B3GALNT2: variants seen among roughly 807,000 people sequenced by gnomAD.
B3GALNT2 encodes UDP-GalNAc:beta-1,3-N-acetylgalactosaminyltransferase 2.
Under a neutral mutation model 61.1 loss-of-function variants are expected in B3GALNT2, and 53 were observed. The observed-to-expected ratio is 0.87, with a 90% CI of 0.70 to 1.09. The LOEUF (loss-of-function observed/expected upper bound fraction) is 1.09, where lower values mean the gene tolerates loss of function less well. Among genes scored for constraint, B3GALNT2 ranks in the 50% least tolerant of loss-of-function variants. The pLI, the probability that B3GALNT2 is intolerant of heterozygous loss-of-function variation, is 0.00. For missense variants in B3GALNT2, 544 were observed against 623.0 expected, an observed-to-expected ratio of 0.87 and a Z score of 1.35; for synonymous variants, 223 against 237.4, an observed-to-expected ratio of 0.94 and a Z score of 0.56.
intron 5 of B3GALNT2, among the ~76,000 whole-genome samples, chr1:235,471,893 C>A (rs1043777537): frequency 6.6e-6 from 1 of 152,018 alleles, no homozygotes; most frequent in Admixed American, 6.6e-5. Flanking sequence ...GAACTCCTGA[C>A]CTCAAGTGAT....
chr1:235,493,882 T>TA (rs1009158026), intron 2 of B3GALNT2, among the ~76,000 whole-genome samples: 41 of 152,246 alleles, frequency 2.7e-4, no homozygotes, highest in African/African-American at 6.7e-4. Flanking sequence ...ATCACCTGAG[T>TA]CTTCACATAC....
the B3GALNT2 span, chr1:235,441,820 G>A: frequency 6.2e-7 from 1 of 1,613,868 alleles, no homozygotes; most frequent in Non-Finnish European, 8.5e-7. Context: ...ACAGAATATG[G>A]TGCACCTGAA....
At chr1:235,477,033 A>C (rs146620682) in intron 5 of B3GALNT2, among the ~76,000 whole-genome samples, 21 of 151,974 alleles carry the variant, frequency 1.4e-4, no homozygotes, top group Non-Finnish European at 2.8e-4. Context: ...TCAAAAAAAA[A>C]AAAAATAAGT....
chr1:235,478,960 T>C (rs190045374), intron 5 of B3GALNT2: 87 of 152,346 alleles, frequency 5.7e-4, no homozygotes, highest in African/African-American at 2.0e-3. Flanking sequence ...TTTTTTTAAT[T>C]TATTTTTTGA....
chr1:235,463,439 GTT>G (rs35100547), intron 7 of B3GALNT2: 1 of 147,712 alleles, frequency 6.8e-6, no homozygotes, highest in Non-Finnish European at 1.5e-5. Flanking sequence ...TTCCAGCTAG[GTT>G]TTCTTTTTTT....
intron 6 of B3GALNT2, among the ~76,000 whole-genome samples, chr1:235,470,041 G>C (rs889069518): frequency 6.6e-6 from 1 of 151,918 alleles, no homozygotes; most frequent in African/African-American, 2.4e-5. Flanking sequence ...GGGATTCCAG[G>C]CATGCGCCAC....
At chr1:235,467,740 A>C (rs978161936) in intron 6 of B3GALNT2, among the ~76,000 whole-genome samples, 1 of 150,436 alleles carries the variant, frequency 6.6e-6, no homozygotes, top group Non-Finnish European at 1.5e-5. Context: ...TCGGCCTCCT[A>C]AAGTGCTGGG....
chr1:235,498,912 G>A (rs1042503663), intron 1 of B3GALNT2, among the ~76,000 whole-genome samples: 19 of 146,956 alleles, frequency 1.3e-4, no homozygotes, highest in Non-Finnish European at 2.5e-4. Flanking sequence ...AATGTAATTT[G>A]GTACAGTCTT....
At chr1:235,456,751 CTTCCACGCCTAGGAAA>C (rs1411958166) in intron 8 of B3GALNT2, among the ~76,000 whole-genome samples, 1 of 152,178 alleles carries the variant, frequency 6.6e-6, no homozygotes, top group Non-Finnish European at 1.5e-5. Context: ...GGCTAAGATA[CTTCCACGCCTAGGAAA>C]TATCTTGCTC....
chr1:235,447,969 G>C lies in B3GALNT2; in HGVS notation c.*2237C>G, dbSNP rs1682524054. 6.6e-6 allele frequency among the ~76,000 whole-genome samples: 1 copy of C among 152,140 alleles called. No homozygotes were observed. Among genetic ancestry groups the C allele is most frequent in the South Asian group, 2.1e-4 (1 of 4,820 alleles). ...CTCATGCTTGTAATCCCAGCACTTT[G>C]GGGGGCCAGGGCGGGCGGATCACGA... On this transcript the variant is annotated 3_prime_UTR_variant, in exon 12 of 12. Coordinates refer to ENST00000366600, the MANE Select transcript of B3GALNT2 (RefSeq NM_152490.5).
At chr1:235,481,980 A>C (rs1558431488) in intron 4 of B3GALNT2, among the ~76,000 whole-genome samples, 1 of 152,256 alleles carries the variant, frequency 6.6e-6, no homozygotes, top group Non-Finnish European at 1.5e-5. Flanking sequence ...ATTTAATCTC[A>C]AATTTATTTG....
chr1:235,482,266 CTT>C (rs1045604374), intron 4 of B3GALNT2, among the ~76,000 whole-genome samples: 4 of 152,104 alleles, frequency 2.6e-5, no homozygotes, highest in African/African-American at 9.7e-5. Flanking sequence ...CTTCTTGACT[CTT>C]TGTCTGAGGA....
rs1355642274 is a variant in B3GALNT2, at chr1:235,448,750, A to T, written c.*1456T>A. ...CTGTGGAAAATGGAGATTGTCTATT[A>T]GTGCGATGGTGACAACCAACTAATA... On this transcript the variant is annotated 3_prime_UTR_variant, in exon 12 of 12. Transcript: ENST00000366600. 4.3e-6 allele frequency: 7 copies of T among 1,612,458 alleles called. No individual in the cohort carries two copies. Among genetic ancestry groups the T allele is most frequent in the Non-Finnish European group, 5.9e-6 (7 of 1,178,696 alleles).
At chr1:235,454,098 C>T in intron 10 of B3GALNT2, 58 bp downstream of exon 10, 1 of 1,482,104 alleles carries the variant, frequency 6.7e-7, no homozygotes, top group African/African-American at 1.4e-5. Context: ...CTTAGCCTCC[C>T]AAAGTGTTGT....
At chr1:235,458,315 C>G (rs573709483) in intron 8 of B3GALNT2, among the ~76,000 whole-genome samples, 22 of 152,094 alleles carry the variant, frequency 1.4e-4, no homozygotes, top group Non-Finnish European at 2.5e-4. Flanking sequence ...TAGGTCATAT[C>G]CCAGGTGCTC....
At chr1:235,479,977 TG>T in intron 5 of B3GALNT2, 76 bp downstream of exon 5, 1 of 1,566,938 alleles carries the variant, frequency 6.4e-7, no homozygotes, top group Non-Finnish European at 8.7e-7. Flanking sequence ...AAATATCAAG[TG>T]CCTGCCCCTG....
intron 9 of B3GALNT2, among the ~76,000 whole-genome samples, chr1:235,455,074 G>A (rs971007040): frequency 5.9e-5 from 9 of 152,084 alleles, no homozygotes; most frequent in Admixed American, 5.9e-4. Context: ...ACATTAGCCT[G>A]AGGCTTTTCA....
In B3GALNT2 at chr1:235,458,716, A is replaced by C; in HGVS notation, c.912T>G (p.His304Gln). The C allele has an allele frequency of 6.8e-6, 11 of 1,613,286 alleles. No individual in the cohort carries two copies. Among genetic ancestry groups the C allele is most frequent in the Non-Finnish European group, 9.3e-6 (11 of 1,179,606 alleles). Residue 304 changes from histidine to glutamine, a missense_variant, in exon 8 of 12, where the codon CAT becomes CAG. Transcript: ENST00000366600. ...CCTCCTTCAGTAAGGCATCTTCCTCATGGAGATTCCTTATATGATCAATAA... is the reference window on the plus strand; with the variant it reads ...CCTCCTTCAGTAAGGCATCTTCCTCCTGGAGATTCCTTATATGATCAATAA... ...QRLIDHIRNLHEEDALLKEES... is the reference protein window; with the variant it reads ...QRLIDHIRNLQEEDALLKEES...
rs186378580 is a variant in B3GALNT2 at position 235,467,433 on chromosome 1, T to G, written c.763-1719A>C. The stretch of plus-strand genomic sequence containing the variant: ...AGGGGCAGGCTATAGATTCCAACGT[T>G]GTAGTTCCATAAAAGACTGTATATG... On this transcript the variant is annotated intron_variant, in intron 6 of 11. Coordinates refer to ENST00000366600, the MANE Select transcript of B3GALNT2 (RefSeq NM_152490.5). 2.4e-4 allele frequency among the ~76,000 whole-genome samples: 36 copies of G among 152,110 alleles called. No homozygotes were observed. In the East Asian group the frequency reaches 5.6e-3, roughly 24 times the overall value.
Sources: gnomAD v4.1 joint callset for allele counts (sites outside exome capture counted in the v4.1 genomes callset) on GRCh38, gnomAD v4.1.1 for gene constraint, MANE v1.5 for transcripts, NCBI Gene and HGNC (gene_info 2026-07-23, HGNC 2026-07-21) for gene names.